MIPOL1: variants seen among roughly 807,000 people sequenced by gnomAD.
MIPOL1 encodes mirror-image polydactyly 1.
In MIPOL1, 57 loss-of-function variants were observed where a neutral mutation model predicts 60.9. The observed-to-expected ratio is 0.94, with a 90% CI of 0.76 to 1.17. The LOEUF is 1.17. MIPOL1 is among the 50% of genes most tolerant of loss of function. The pLI is 0.00. For synonymous variants in MIPOL1, 179 were observed against 168.8 expected, an observed-to-expected ratio of 1.06 and a Z score of -0.47; for missense variants, 551 against 511.6, an observed-to-expected ratio of 1.08 and a Z score of -0.74.
At chr14:37,237,273 A>G (rs745429750) in intron 1 of MIPOL1, among the ~76,000 whole-genome samples, 44 of 152,136 alleles carry the variant, frequency 2.9e-4, no homozygotes, top group Non-Finnish European at 4.9e-4. Context: ...GACATGCACA[A>G]CAATTTGTCT....
intron 10 of MIPOL1, among the ~76,000 whole-genome samples, chr14:37,418,367 G>C (rs1378866907): frequency 6.6e-6 from 1 of 152,032 alleles, no homozygotes; most frequent in Non-Finnish European, 1.5e-5. Flanking sequence ...AACACAAATG[G>C]CTGTCCTATT....
chr14:37,493,712 C>T (rs866805972), intron 11 of MIPOL1, among the ~76,000 whole-genome samples: 3 of 152,144 alleles, frequency 2.0e-5, no homozygotes, highest in Non-Finnish European at 2.9e-5. Context: ...ACTGGAAGAG[C>T]GAATTTAAAC....
chr14:37,527,508 T>C lies in MIPOL1; in HGVS notation c.1263-19397T>C, dbSNP rs940902349. The stretch of plus-strand genomic sequence containing the variant: ...TTTGTTTATCTTAGCAAATAAGCTG[T>C]CATAGTTCTTCAGTCATAAATCATC... On this transcript the variant is annotated intron_variant, in intron 12 of 12. Coordinates refer to ENST00000684589, the MANE Select transcript of MIPOL1 (RefSeq NM_001388067.1). 9.2e-5 allele frequency among the ~76,000 whole-genome samples: 14 copies of C among 152,098 alleles called. No homozygotes were observed. In the East Asian group the frequency reaches 1.2e-3, roughly 13 times the overall value.
intron 1 of MIPOL1, among the ~76,000 whole-genome samples, chr14:37,230,565 G>A (rs1270141774): frequency 6.6e-6 from 1 of 152,132 alleles, no homozygotes; most frequent in East Asian, 1.9e-4. Context: ...TTTCCTATGG[G>A]AAAATTTTAT....
At chr14:37,294,229 C>A (rs2085390863) in intron 7 of MIPOL1, among the ~76,000 whole-genome samples, 2 of 152,196 alleles carry the variant, frequency 1.3e-5, no homozygotes, top group Admixed American at 6.5e-5. Flanking sequence ...TAAACTCCAA[C>A]AGACCTGCAG....
At chr14:37,424,516 C>A (rs1165027854) in intron 11 of MIPOL1, among the ~76,000 whole-genome samples, 1 of 152,094 alleles carries the variant, frequency 6.6e-6, no homozygotes, top group African/African-American at 2.4e-5. Flanking sequence ...AGAACATAGC[C>A]CAGCCGACAC....
intron 11 of MIPOL1, among the ~76,000 whole-genome samples, chr14:37,462,874 A>G (rs145360715): frequency 1.3e-5 from 2 of 152,270 alleles, no homozygotes; most frequent in African/African-American, 4.8e-5. Flanking sequence ...ACAAGTCTCT[A>G]GGAAGTTCCA....
chr14:37,328,311 G>A (rs573401837), intron 9 of MIPOL1, among the ~76,000 whole-genome samples: 1 of 152,126 alleles, frequency 6.6e-6, no homozygotes, highest in Admixed American at 6.5e-5. Flanking sequence ...CACCACACCC[G>A]GCCCAGAAAA....
intron 10 of MIPOL1, among the ~76,000 whole-genome samples, chr14:37,399,043 T>C (rs1445775891): frequency 6.6e-6 from 1 of 152,212 alleles, no homozygotes; most frequent in Non-Finnish European, 1.5e-5. Context: ...GAAAGCAAGA[T>C]TGCAATTAAG....
Position 37,270,484 on chromosome 14 carries a change from A to G in MIPOL1, c.452A>G (p.Gln151Arg). Residue 151 changes from glutamine to arginine, a missense_variant, in exon 6 of 13, where the codon CAA becomes CGA. Transcript: ENST00000684589. Reference protein sequence around the residue: ...QRKLKFKLELQEKETEAKIAE... With the variant: ...QRKLKFKLELREKETEAKIAE... ...AAACTAAAGTTTAAGCTGGAACTCCAAGAGAAAGAAACAGAAGCTAAAATT... is the reference window on the plus strand; with the variant it reads ...AAACTAAAGTTTAAGCTGGAACTCCGAGAGAAAGAAACAGAAGCTAAAATT... 6.2e-7 allele frequency: 1 copy of G among 1,601,942 alleles called. No homozygotes were observed. The highest frequency in any genetic ancestry group is 8.5e-7 in the Non-Finnish European group (1 of 1,173,870).
chr14:37,267,005 A>C lies in MIPOL1; in HGVS notation c.87A>C (p.Gln29His). 1 of 1,613,910 alleles carries C rather than the reference A, an allele frequency of 6.2e-7. No individual in the cohort carries two copies. The highest frequency in any genetic ancestry group is 8.5e-7 in the Non-Finnish European group (1 of 1,179,888). The change falls in exon 4 of 13, where the codon CAA becomes CAC. Residue 29 changes from glutamine (Q) to histidine (H), a missense_variant. Coordinates refer to ENST00000684589, the MANE Select transcript of MIPOL1 (RefSeq NM_001388067.1). ...GINKSTQPDE[Q>H]LTMNSEKSMH... ...ATAAAAGTACGCAGCCAGATGAGCA[A>C]CTGACTATGAATTCTGAGAAAAGTA...
At chr14:37,410,607 A>G (rs2093665804) in intron 10 of MIPOL1, among the ~76,000 whole-genome samples, 1 of 152,150 alleles carries the variant, frequency 6.6e-6, no homozygotes, top group African/African-American at 2.4e-5. Flanking sequence ...ATAAATGAAT[A>G]TTCGGTCAAC....
intron 12 of MIPOL1, among the ~76,000 whole-genome samples, chr14:37,528,286 T>C (rs1359687683): frequency 6.6e-6 from 1 of 152,038 alleles, no homozygotes; most frequent in Non-Finnish European, 1.5e-5. Context: ...TATAATCTTT[T>C]ACATATGAAG....
At chr14:37,468,222 G>A (rs1594528609) in intron 11 of MIPOL1, among the ~76,000 whole-genome samples, 1 of 151,816 alleles carries the variant, frequency 6.6e-6, no homozygotes, top group Non-Finnish European at 1.5e-5. Flanking sequence ...AATGTTTATT[G>A]AATAAATGCC....
chr14:37,288,609 T>C (rs1226602748), intron 7 of MIPOL1, among the ~76,000 whole-genome samples: 3 of 151,954 alleles, frequency 2.0e-5, no homozygotes, highest in Admixed American at 1.3e-4. Flanking sequence ...TTCAAGACCA[T>C]TGTGGGCAAC....
chr14:37,279,017 C>T (rs756196450), intron 6 of MIPOL1: 10 of 151,074 alleles, frequency 6.6e-5, no homozygotes, highest in African/African-American at 1.5e-4. Context: ...ATTTGATAAC[C>T]GTGTTTAAAA....
Position 37,291,726 on chromosome 14 carries a change from G to T in MIPOL1, c.623+6279G>T, listed in dbSNP as rs115668229. On this transcript the variant is annotated intron_variant, in intron 7 of 12. Coordinates refer to ENST00000684589, the MANE Select transcript of MIPOL1 (RefSeq NM_001388067.1). ...CTTGAAATCCAAGATCGAGGTGCTG[G>T]CATCTTTCAAGGGCCTTCTTGCCAA... Among the ~76,000 whole-genome samples the T allele has an allele frequency of 5.0e-3, 760 of 152,012 alleles. 5 individuals carry two copies. The highest frequency in any genetic ancestry group is 0.017 in the African/African-American group (718 of 41,462).
chr14:37,215,408 C>T (rs895531384), intron 1 of MIPOL1, among the ~76,000 whole-genome samples: 18 of 151,810 alleles, frequency 1.2e-4, no homozygotes, highest in Admixed American at 3.3e-4. Context: ...TCTCCGCACA[C>T]GGGGAGAAAA....
intron 9 of MIPOL1, among the ~76,000 whole-genome samples, chr14:37,355,054 C>T (rs1484157953): frequency 6.8e-6 from 1 of 147,174 alleles, no homozygotes; most frequent in Non-Finnish European, 1.5e-5. Context: ...ACCGGTTGTC[C>T]TTTCCATGTT....
Sources: gnomAD v4.1 joint callset for allele counts (sites outside exome capture counted in the v4.1 genomes callset) on GRCh38, gnomAD v4.1.1 for gene constraint, MANE v1.5 for transcripts, NCBI Gene and HGNC (gene_info 2026-07-23, HGNC 2026-07-21) for gene names.